The following LPCAT2 variants were observed in gnomAD, a reference collection of about 807,000 sequenced individuals.
LPCAT2 encodes the protein lysophosphatidylcholine acyltransferase 2.
Under a neutral mutation model 64.7 loss-of-function variants are expected in LPCAT2, and 58 were observed. That is an observed-to-expected ratio of 0.90 (90% CI 0.73 to 1.12). The LOEUF is 1.12. LPCAT2 is among the 50% of genes most tolerant of loss of function. The probability of loss-of-function intolerance (pLI) is 0.00; values close to 1 mark genes in which losing one functional copy is unlikely to be tolerated. For synonymous variants in LPCAT2, 252 were observed against 245.3 expected, an observed-to-expected ratio of 1.03 and a Z score of -0.26; for missense variants, 579 against 669.8, an observed-to-expected ratio of 0.86 and a Z score of 1.50.
At chr16:55,523,186 G>A (rs762726734) in intron 1 of LPCAT2, among the ~76,000 whole-genome samples, 1 of 151,680 alleles carries the variant, frequency 6.6e-6, no homozygotes, top group Non-Finnish European at 1.5e-5. Flanking sequence ...TGACCAATAA[G>A]TATATGAAAA....
In LPCAT2 at chr16:55,550,880, T is replaced by C. The variant is rs546815858; in HGVS notation, c.1062-69T>C. ...TCTCCCAGATACATTAATAAAATAA[T>C]GATCATAAAATGTGCATGTGAATTG... On this transcript the variant is annotated intron_variant, in intron 10 of 13. Transcript: ENST00000262134. 2.5e-5 allele frequency: 31 copies of C among 1,230,278 alleles called. No homozygotes were observed. The South Asian group carries it at 4.1e-4, about 16-fold the overall frequency. The allele number at this position is 1,230,278 out of a possible 1,614,324, so 76.2% of individuals were successfully genotyped here. A position where few individuals can be genotyped will look rare whatever the true frequency, so the allele number is the denominator to read the frequency against.
chr16:55,534,484 C>A lies in LPCAT2; in HGVS notation c.797+7C>A. On this transcript the variant is annotated splice_region_variant and intron_variant, in intron 7 of 13. Coordinates refer to ENST00000262134, the MANE Select transcript of LPCAT2 (RefSeq NM_017839.5). ...CATGGCAAGGATATACATTGTAAGT[C>A]ACTTATGTCTATTATTAGTTTATAT... 3 of 1,398,830 alleles carry A rather than the reference C, an allele frequency of 2.1e-6. No individual in the cohort carries two copies. The highest frequency in any genetic ancestry group is 1.4e-5 in the South Asian group (1 of 71,596). 86.7% of individuals were successfully genotyped at this position (1,398,830 alleles called of 1,614,324 possible). A position where few individuals can be genotyped will look rare whatever the true frequency, so the allele number is the denominator to read the frequency against.
In LPCAT2 at chr16:55,574,633, C is replaced by T. The variant is rs1252223050; in HGVS notation, c.1218C>T (p.Asn406=). 1 of 1,609,782 alleles carries T rather than the reference C, an allele frequency of 6.2e-7. No individual in the cohort carries two copies. Among genetic ancestry groups the T allele is most frequent in the Admixed American group, 1.7e-5 (1 of 59,928 alleles). Residue 406 remains asparagine, a splice_region_variant and synonymous_variant, in exon 12 of 14, where the codon AAC becomes AAT. Coordinates refer to ENST00000262134, the MANE Select transcript of LPCAT2 (RefSeq NM_017839.5). ...LRQLFALFDR[N]HDGSIDFREY... is the part of the protein sequence containing the mutation. The stretch of plus-strand genomic sequence containing the variant: ...TGATTTATCCCATCCTTTCACAGAA[C>T]CATGATGGCAGCATTGACTTCCGAG...
intron 8 of LPCAT2, among the ~76,000 whole-genome samples, chr16:55,544,813 G>A (rs1200536931): frequency 1.3e-5 from 2 of 151,982 alleles, no homozygotes; most frequent in Admixed American, 6.6e-5. Context: ...AGAAAATAAG[G>A]GTTTTTTTTG....
At chr16:55,521,981 G>T (rs1414418838) in intron 1 of LPCAT2, among the ~76,000 whole-genome samples, 2 of 151,190 alleles carry the variant, frequency 1.3e-5, no homozygotes, top group African/African-American at 4.8e-5. Flanking sequence ...TTACGCTAGG[G>T]ATCCTAGCCA....
intron 11 of LPCAT2, 143 bp from the exon 12 acceptor site, chr16:55,574,488 G>C (rs962254393): frequency 3.3e-5 from 21 of 636,504 alleles, no homozygotes; most frequent in Non-Finnish European, 5.5e-5. Context: ...CTACTTGCTT[G>C]CTGTTCCTTC....
chr16:55,578,305 C>A (rs1464618974), intron 12 of LPCAT2, among the ~76,000 whole-genome samples: 1 of 152,174 alleles, frequency 6.6e-6, no homozygotes, highest in African/African-American at 2.4e-5. Context: ...CTCTTCTTTA[C>A]TCCTGGCACC....
intron 13 of LPCAT2, among the ~76,000 whole-genome samples, chr16:55,582,411 C>T (rs531153618): frequency 1.0e-3 from 158 of 152,122 alleles, no homozygotes; most frequent in Middle Eastern, 3.2e-3. Flanking sequence ...TATAAATAGA[C>T]TCATACAATT....
chr16:55,582,892 A>AT (rs532602764), intron 13 of LPCAT2, 22 bp from the exon 14 acceptor site: 54 of 1,529,154 alleles, frequency 3.5e-5, no homozygotes, highest in Middle Eastern at 3.4e-4. Flanking sequence ...AACTTATTGG[A>AT]TTTTTTTTCT....
intron 11 of LPCAT2, among the ~76,000 whole-genome samples, chr16:55,566,448 T>TA (rs1963697170): frequency 1.3e-5 from 2 of 152,156 alleles, no homozygotes; most frequent in East Asian, 3.8e-4. Flanking sequence ...ATCAATGACA[T>TA]AAAAATGCAT....
intron 8 of LPCAT2, 145 bp downstream of exon 8, chr16:55,537,777 C>A: frequency 1.6e-6 from 1 of 633,432 alleles, no homozygotes; most frequent in Non-Finnish European, 2.7e-6. Flanking sequence ...TCAGATTTAG[C>A]CCTTGAAATC....
intron 3 of LPCAT2, 26 bp from the exon 4 acceptor site, chr16:55,529,809 C>G: frequency 1.3e-6 from 2 of 1,494,500 alleles, no homozygotes; most frequent in Non-Finnish European, 1.8e-6. Flanking sequence ...AAATGGCTTG[C>G]CTGTAACTTT....
intron 1 of LPCAT2, among the ~76,000 whole-genome samples, chr16:55,518,495 A>C (rs1317853662): frequency 6.6e-6 from 1 of 152,228 alleles, no homozygotes; most frequent in Non-Finnish European, 1.5e-5. Context: ...AATAAAAACA[A>C]AATTGGAGAA....
intron 2 of LPCAT2, among the ~76,000 whole-genome samples, chr16:55,526,453 T>C (rs1036002793): frequency 5.3e-5 from 8 of 152,306 alleles, no homozygotes; most frequent in Non-Finnish European, 1.2e-4. Context: ...GATATTTTTG[T>C]ATTTAAATCT....
rs756230575 is a variant in LPCAT2 at position 55,550,954 on chromosome 16, A to G, written c.1067A>G (p.Asp356Gly). ...FTKISRKLKL[D>G]WDGVRKHLDE... is the part of the protein sequence containing the mutation. ...ATAATTCTTTGTTTGTTTAGATTAGATTGGGATGGTGTTCGTAAGCATTTG... is the reference window on the plus strand; with the variant it reads ...ATAATTCTTTGTTTGTTTAGATTAGGTTGGGATGGTGTTCGTAAGCATTTG... Residue 356 changes from aspartate (D) to glycine (G), a missense_variant, in exon 11 of 14, where the codon GAT becomes GGT. Transcript: ENST00000262134. 1 of 1,596,366 alleles carries G rather than the reference A, an allele frequency of 6.3e-7. No individual in the cohort carries two copies. Among genetic ancestry groups the G allele is most frequent in the South Asian group, 1.1e-5 (1 of 88,830 alleles).
intron 11 of LPCAT2, among the ~76,000 whole-genome samples, chr16:55,565,414 C>A (rs1440017500): frequency 6.6e-6 from 1 of 152,078 alleles, no homozygotes; most frequent in African/African-American, 2.4e-5. Context: ...TACCCATGTT[C>A]ATAGCAGCAT....
At position 55,586,600 on chromosome 16, in the gene LPCAT2, T is replaced by C. The variant is rs548939899; in HGVS notation, c.*3502T>C. 1 of 145,024 alleles carries C rather than the reference T, an allele frequency of 6.9e-6. No homozygotes were observed. Among genetic ancestry groups the C allele is most frequent in the East Asian group, 1.9e-4 (1 of 5,188 alleles). 9.0% of individuals were successfully genotyped at this position (145,024 alleles called of 1,614,324 possible). A position where few individuals can be genotyped will look rare whatever the true frequency, so the allele number is the denominator to read the frequency against. On this transcript the variant is annotated 3_prime_UTR_variant, in exon 14 of 14. Coordinates refer to ENST00000262134, the MANE Select transcript of LPCAT2 (RefSeq NM_017839.5). Reference sequence around the variant, plus strand: ...TAAATTTTAAAAACTGTACCTACTGTTTTTTGGAAATCTGTAACAAGCTAT... The same window carrying C: ...TAAATTTTAAAAACTGTACCTACTGCTTTTTGGAAATCTGTAACAAGCTAT...
chr16:55,529,207 A>G (rs1223115205), intron 3 of LPCAT2, among the ~76,000 whole-genome samples: 1 of 152,190 alleles, frequency 6.6e-6, no homozygotes, highest in East Asian at 1.9e-4. Flanking sequence ...GTTTATTGCA[A>G]ACATCAGATG....
chr16:55,532,989 G>T, intron 6 of LPCAT2, 107 bp downstream of exon 6: 1 of 868,572 alleles, frequency 1.2e-6, no homozygotes, highest in Non-Finnish European at 1.8e-6. Flanking sequence ...ATAAATGGTG[G>T]AAGCAAATGG....
Sources: allele counts gnomAD v4.1 joint callset (sites outside exome capture counted in the v4.1 genomes callset), GRCh38; gene constraint gnomAD v4.1.1; transcripts MANE v1.5; gene names NCBI Gene and HGNC (gene_info 2026-07-23, HGNC 2026-07-21).